The following TNFSF11 variants were observed in gnomAD, a reference collection of about 807,000 sequenced individuals.
TNFSF11 encodes the protein tumor necrosis factor ligand superfamily member 11.
Under a neutral mutation model 32.2 loss-of-function variants are expected in TNFSF11, and 12 were observed. That is an observed-to-expected ratio of 0.37 (90% confidence interval 0.24 to 0.60). TNFSF11 has a LOEUF of 0.60. TNFSF11 is among the 20% of genes least tolerant of loss of function. The pLI is 0.66. For synonymous variants in TNFSF11, 172 were observed against 152.1 expected (o/e 1.13, Z -0.96); for missense variants, 345 against 398.0 (o/e 0.87, Z 1.13).
rs199558758 is a variant in TNFSF11 at position 42,574,404 on chromosome 13, C to A, written c.101C>A (p.Pro34Gln). The A allele has an allele frequency of 8.3e-6, 13 of 1,560,798 alleles. No individual in the cohort carries two copies. Among genetic ancestry groups the A allele is most frequent in the African/African-American group, 6.8e-5 (5 of 73,770 alleles). The change falls in exon 1 of 5, where the codon CCG becomes CAG. Residue 34 changes from proline (P) to glutamine (Q), a missense_variant. Transcript: ENST00000398795. ...APHEGPLHAP[P>Q]PPAPHQPPAA... ...CACGAGGGCCCCCTGCACGCCCCGC[C>A]GCCGCCTGCGCCGCACCAGCCCCCT... is the stretch of plus-strand genomic sequence containing the variant.
At chr13:42,579,704 C>CTTTTTTTTTTTTTTTTTTT (rs59375842) in intron 1 of TNFSF11, among the ~76,000 whole-genome samples, 1 of 65,492 alleles carries the variant, frequency 1.5e-5, no homozygotes, top group African/African-American at 6.1e-5. Context: ...TAAGTAAGCC[C>CTTTTTTTTTTTTTTTTTTT]TTTTTTTTTT....
intron 2 of TNFSF11, among the ~76,000 whole-genome samples, chr13:42,583,417 TAAA>T (rs71747752): frequency 4.1e-5 from 1 of 24,640 alleles, no homozygotes; most frequent in African/African-American, 1.9e-4. Context: ...AAGACCCTGC[TAAA>T]AAAAAAAAAA....
In TNFSF11 at chr13:42,606,645, T is replaced by G. The variant is rs1171221943; in HGVS notation, c.681T>G (p.Thr227=). Residue 227 remains threonine, a synonymous_variant, in exon 5 of 5, where the codon ACT becomes ACG. Coordinates refer to ENST00000398795, the MANE Select transcript of TNFSF11 (RefSeq NM_003701.4). ...ACATTTGCTTTCGACATCATGAAAC[T>G]TCAGGAGACCTAGCTACAGAGTATC... The part of the protein sequence containing the change: ...YANICFRHHE[T]SGDLATEYLQ... 1 of 1,614,242 alleles carries G rather than the reference T, an allele frequency of 6.2e-7. No homozygotes were observed. Among genetic ancestry groups the G allele is most frequent in the Admixed American group, 1.7e-5 (1 of 60,030 alleles).
At chr13:42,583,527 A>C (rs1594465475) in intron 2 of TNFSF11, among the ~76,000 whole-genome samples, 1 of 151,934 alleles carries the variant, frequency 6.6e-6, no homozygotes, top group South Asian at 2.1e-4. Context: ...TAAAGGAAAA[A>C]AATATATTAT....
chr13:42,564,196 G>T (rs759147620), intron 1 of TNFSF11, among the ~76,000 whole-genome samples: 1 of 151,826 alleles, frequency 6.6e-6, no homozygotes, highest in Admixed American at 6.6e-5. Flanking sequence ...CCACTTCTTT[G>T]TTGCAGTTCT....
chr13:42,578,692 A>C (rs1391439089), intron 1 of TNFSF11, among the ~76,000 whole-genome samples: 2 of 151,878 alleles, frequency 1.3e-5, no homozygotes. Flanking sequence ...ATGATTGGAC[A>C]CTTCCCTTAG....
chr13:42,604,146 A>G (rs923799186), intron 4 of TNFSF11, among the ~76,000 whole-genome samples: 5 of 152,234 alleles, frequency 3.3e-5, no homozygotes, highest in Admixed American at 1.3e-4. Context: ...AGAGATAACT[A>G]TAAGAAAAAT....
chr13:42,581,082 C>T (rs1873583809), intron 1 of TNFSF11, 44 bp from the exon 2 acceptor site: 1 of 1,605,206 alleles, frequency 6.2e-7, no homozygotes. Context: ...AGCAGGATGA[C>T]TAGTGATAAG....
At chr13:42,592,663 G>C (rs1341562086) in intron 2 of TNFSF11, among the ~76,000 whole-genome samples, 1 of 152,200 alleles carries the variant, frequency 6.6e-6, no homozygotes, top group African/African-American at 2.4e-5. Context: ...AGGAAGTCAA[G>C]GGGTGTGATA....
At chr13:42,595,629 G>A (rs1448728273) in intron 2 of TNFSF11, among the ~76,000 whole-genome samples, 2 of 152,190 alleles carry the variant, frequency 1.3e-5, no homozygotes, top group African/African-American at 2.4e-5. Context: ...ACTTCTCTAC[G>A]CAAATCTACA....
At chr13:42,593,760 A>T (rs184093524) in intron 2 of TNFSF11, among the ~76,000 whole-genome samples, 100 of 152,336 alleles carry the variant, frequency 6.6e-4, no homozygotes, top group African/African-American at 2.4e-3. Context: ...ACCCTGTATT[A>T]TATCTGGCAA....
chr13:42,603,651 C>T (rs1405594184), intron 4 of TNFSF11, among the ~76,000 whole-genome samples: 1 of 152,140 alleles, frequency 6.6e-6, no homozygotes, highest in African/African-American at 2.4e-5. Context: ...TTCTCTGCCC[C>T]TTCCTGAGCT....
In TNFSF11 at chr13:42,601,045, A is replaced by G. The variant is rs922063673; in HGVS notation, c.532+64A>G. On this transcript the variant is annotated intron_variant, in intron 4 of 4. Transcript: ENST00000398795. The stretch of plus-strand genomic sequence containing the variant: ...GAGTCATTTATCAGCCCATTTCAAT[A>G]CTGAAACCTATTTTTAGTCTGTCAC... The G allele has an allele frequency of 2.5e-6, 4 of 1,574,306 alleles. No homozygotes were observed. In the African/African-American group the frequency reaches 5.4e-5, roughly 21 times the overall value.
In TNFSF11 at chr13:42,599,454, C is replaced by T. The variant is rs140426735; in HGVS notation, c.388-1298C>T. Among the ~76,000 whole-genome samples the T allele has an allele frequency of 5.5e-3, 830 of 151,884 alleles. 7 individuals carry two copies. The highest frequency in any genetic ancestry group is 0.019 in the African/African-American group (771 of 41,294). ...GCTGCATGGCCTATCTTTCAAACAC[C>T]GTGGGGAGAATGGTTAGCATGAATA... On this transcript the variant is annotated intron_variant, in intron 2 of 4. Transcript: ENST00000398795.
At chr13:42,566,654 T>C (rs199506294) in exon 2 of TNFSF11, 2 of 152,292 alleles carry the variant, frequency 1.3e-5, no homozygotes, top group Non-Finnish European at 2.9e-5. Context: ...ACTGCTGAAA[T>C]ATTGAACACA....
chr13:42,562,998 T>C lies in TNFSF11; in HGVS notation c.-302+35T>C, dbSNP rs11838645. The C allele has an allele frequency of 7.9e-3, 1,200 of 152,288 alleles. 17 individuals carry two copies. Among genetic ancestry groups the C allele is most frequent in the African/African-American group, 0.027 (1,118 of 41,552 alleles). 9.4% of individuals were successfully genotyped at this position (152,288 alleles called of 1,614,324 possible). ...GTTGCAGAAATTGAGGGGAGAACTG[T>C]AAACAGTCAGCTAGGGAGAGGGAGT... On this transcript the variant is annotated intron_variant, in intron 1 of 6. Transcript: ENST00000358545.
chr13:42,588,220 A>G (rs763410229), intron 2 of TNFSF11, among the ~76,000 whole-genome samples: 3 of 152,258 alleles, frequency 2.0e-5, no homozygotes, highest in South Asian at 2.1e-4. Context: ...GAGTTTTCCT[A>G]CAAAACCAAG....
intron 1 of TNFSF11, among the ~76,000 whole-genome samples, chr13:42,575,527 G>C (rs1318939922): frequency 3.3e-5 from 5 of 152,146 alleles, no homozygotes; most frequent in Non-Finnish European, 7.4e-5. Context: ...TTCGTTTTCA[G>C]ATTCAAAGGT....
intron 1 of TNFSF11, among the ~76,000 whole-genome samples, chr13:42,577,621 A>G (rs1378820397): frequency 6.6e-6 from 1 of 152,224 alleles, no homozygotes; most frequent in Admixed American, 6.5e-5. Flanking sequence ...TAAACTTTTC[A>G]GAAAACTGAA....
Sources: allele counts gnomAD v4.1 joint callset (sites outside exome capture counted in the v4.1 genomes callset), GRCh38; gene constraint gnomAD v4.1.1; transcripts MANE v1.5; gene names NCBI Gene and HGNC (gene_info 2026-07-23, HGNC 2026-07-21).